The following LYRM4 variants were observed in gnomAD, a reference collection of about 807,000 sequenced individuals.
LYRM4 encodes the protein LYR motif containing 4, also known as LYR motif-containing protein 4.
A neutral mutation model predicts 11.7 loss-of-function variants in LYRM4; 9 were observed. The observed-to-expected ratio is 0.77, with a 90% CI of 0.46 to 1.34. LYRM4 has a LOEUF of 1.34. Ranked by LOEUF, LYRM4 falls within the 40% of genes most tolerant of loss-of-function variation. LYRM4 has a pLI of 0.00. For missense variants in LYRM4, 133 were observed against 112.5 expected (o/e 1.18, Z -0.82); for synonymous variants, 42 against 40.4 (o/e 1.04, Z -0.15).
intron 1 of LYRM4, among the ~76,000 whole-genome samples, chr6:5,219,071 C>T (rs149977086): frequency 1.5e-4 from 23 of 152,204 alleles, no homozygotes; most frequent in African/African-American, 3.1e-4. Context: ...TTTTTCATTT[C>T]GTATGCTGCA....
At chr6:5,066,766 G>T in the LYRM4 span, 1 of 741,302 alleles carries the variant, frequency 1.3e-6, no homozygotes, top group African/African-American at 1.7e-5. Flanking sequence ...GTTACGTAAC[G>T]CTTAAAGTCT....
chr6:5,111,461 C>G (rs1240079572), intron 2 of LYRM4, among the ~76,000 whole-genome samples: 1 of 152,172 alleles, frequency 6.6e-6, no homozygotes, highest in Non-Finnish European at 1.5e-5. Context: ...TAAGAAGAAA[C>G]CTGTTCAAAA....
At chr6:5,143,480 C>T (rs1461182588) in intron 2 of LYRM4, among the ~76,000 whole-genome samples, 1 of 152,120 alleles carries the variant, frequency 6.6e-6, no homozygotes, top group Admixed American at 6.5e-5. Flanking sequence ...ATAACAGGAC[C>T]TATTATAAAG....
intron 2 of LYRM4, among the ~76,000 whole-genome samples, chr6:5,160,651 G>A (rs1191132711): frequency 1.7e-5 from 1 of 58,596 alleles, no homozygotes; most frequent in Non-Finnish European, 3.3e-5. Context: ...ATGATTATGA[G>A]ACCCCCCCCC....
rs1341809071 is a variant in LYRM4 at position 5,109,229 on chromosome 6, T to C, written c.*194A>G. The stretch of plus-strand genomic sequence containing the variant: ...GAACTCCAGCTCTCCATTCTAACAC[T>C]TGAACCAAGGAAAGACAGCAGTCCT... On this transcript the variant is annotated 3_prime_UTR_variant, in exon 3 of 3. Coordinates refer to ENST00000330636, the MANE Select transcript of LYRM4 (RefSeq NM_020408.6). The C allele has an allele frequency of 7.0e-7, 1 of 1,438,334 alleles. No homozygotes were observed. Among genetic ancestry groups the C allele is most frequent in the Non-Finnish European group, 9.1e-7 (1 of 1,095,456 alleles). 89.1% of individuals were successfully genotyped at this position (1,438,334 alleles called of 1,614,324 possible).
the LYRM4 span, among the ~76,000 whole-genome samples, chr6:5,095,341 C>A: frequency 2.0e-5 from 3 of 152,172 alleles, no homozygotes; most frequent in Admixed American, 2.0e-4. Context: ...ATGAGTCAGG[C>A]AGCCTGCGAA....
intron 2 of LYRM4, among the ~76,000 whole-genome samples, chr6:5,131,345 T>C (rs183994663): frequency 1.0e-3 from 153 of 152,264 alleles, no homozygotes; most frequent in African/African-American, 3.5e-3. Flanking sequence ...TCACAGAGAA[T>C]TTGAATAATA....
At chr6:5,180,314 CTG>C (rs1303604510) in intron 2 of LYRM4, among the ~76,000 whole-genome samples, 1 of 152,200 alleles carries the variant, frequency 6.6e-6, no homozygotes, top group Non-Finnish European at 1.5e-5. Flanking sequence ...AAGCGTGTGA[CTG>C]TTATCTCGTG....
intron 2 of LYRM4, among the ~76,000 whole-genome samples, chr6:5,215,638 C>A (rs1296603698): frequency 6.6e-6 from 1 of 152,124 alleles, no homozygotes; most frequent in Admixed American, 6.6e-5. Context: ...AATATTGCTT[C>A]TTTTTTGAAT....
At chr6:5,200,748 A>G (rs1322458690) in intron 2 of LYRM4, among the ~76,000 whole-genome samples, 1 of 152,208 alleles carries the variant, frequency 6.6e-6, no homozygotes, top group African/African-American at 2.4e-5. Flanking sequence ...GCACACTGTC[A>G]TCACTTCGGG....
At chr6:5,163,428 C>T (rs1434742489) in intron 2 of LYRM4, among the ~76,000 whole-genome samples, 2 of 152,034 alleles carry the variant, frequency 1.3e-5, no homozygotes, top group South Asian at 4.1e-4. Context: ...TAGCCTCGCA[C>T]CAACGCCACA....
the LYRM4 span, chr6:5,085,089 C>T: frequency 3.2e-5 from 7 of 216,222 alleles, no homozygotes; most frequent in Admixed American, 5.8e-5. Flanking sequence ...CGAGCCCCGC[C>T]GGGGGTGCGG....
At chr6:5,160,019 T>C (rs759638593) in intron 2 of LYRM4, among the ~76,000 whole-genome samples, 13 of 152,216 alleles carry the variant, frequency 8.5e-5, no homozygotes, top group Non-Finnish European at 1.6e-4. Flanking sequence ...TTACGGCTGA[T>C]CTTCTCAATG....
the LYRM4 span, chr6:5,086,529 G>GCCAA: frequency 2.0e-6 from 3 of 1,531,470 alleles, no homozygotes; most frequent in Non-Finnish European, 2.6e-6. Context: ...CCAACTACAC[G>GCCAA]CTGCGCTACG....
chr6:5,121,862 G>A (rs913845827), intron 2 of LYRM4, among the ~76,000 whole-genome samples: 2 of 152,220 alleles, frequency 1.3e-5, no homozygotes, highest in Non-Finnish European at 2.9e-5. Context: ...TAGCTACAAG[G>A]TGATGCAAAT....
At position 5,114,244 on chromosome 6, in the gene LYRM4, C is replaced by T. The variant is rs367843162; in HGVS notation, c.208-4753G>A. ...AGATAAGTTTGATATGGGAGCTACA[C>T]GCTAAGACTGGGGGGCAGAAAGGTG... On this transcript the variant is annotated intron_variant, in intron 2 of 2. Transcript: ENST00000330636. Among the ~76,000 whole-genome samples, 83 of 152,322 alleles carry T rather than the reference C, an allele frequency of 5.4e-4. 1 individual carries two copies. Among genetic ancestry groups the T allele is most frequent in the Middle Eastern group, 6.8e-3 (2 of 294 alleles).
chr6:5,118,120 T>G (rs450671), intron 2 of LYRM4, among the ~76,000 whole-genome samples: 6,583 of 79,220 alleles, frequency 0.083, 200 homozygotes, highest in Middle Eastern at 0.14. Flanking sequence ...GTTTTGTTTT[T>G]TTTTTTGAGA....
At chr6:5,091,470 G>A in the LYRM4 span, among the ~76,000 whole-genome samples, 1 of 152,194 alleles carries the variant, frequency 6.6e-6, no homozygotes, top group Non-Finnish European at 1.5e-5. Flanking sequence ...AGGTCTGATT[G>A]TCAGAGTGCT....
chr6:5,221,421 G>A (rs1183871903), intron 1 of LYRM4, among the ~76,000 whole-genome samples: 1 of 152,160 alleles, frequency 6.6e-6, no homozygotes, highest in Non-Finnish European at 1.5e-5. Context: ...CTGGCTGGGT[G>A]CGGTGGCTCA....
Sources: allele counts gnomAD v4.1 joint callset (sites outside exome capture counted in the v4.1 genomes callset), GRCh38; gene constraint gnomAD v4.1.1; transcripts MANE v1.5; gene names NCBI Gene and HGNC (gene_info 2026-07-23, HGNC 2026-07-21).